Variants in ABLIM1 observed in about 807,000 individuals in gnomAD.
The protein encoded by ABLIM1 is actin-binding LIM protein 1.
Under a neutral mutation model 107.0 loss-of-function variants are expected in ABLIM1, and 40 were observed. The observed-to-expected ratio is 0.37, with a 90% confidence interval of 0.29 to 0.49. The LOEUF is 0.49. Ranked by LOEUF, ABLIM1 falls within the 20% of genes least tolerant of loss-of-function variation. The pLI is 0.97. For synonymous variants in ABLIM1, 357 were observed against 357.3 expected, an observed-to-expected ratio of 1.00 and a Z score of 0.01; for missense variants, 857 against 1,008.5, an observed-to-expected ratio of 0.85 and a Z score of 2.04.
upstream of ABLIM1, among the ~76,000 whole-genome samples, chr10:114,772,289 A>G (rs1299923844): frequency 2.0e-5 from 3 of 152,096 alleles, no homozygotes; most frequent in African/African-American, 4.8e-5. Flanking sequence ...AGCAAACTAA[A>G]ATTCTTTTTA....
At chr10:114,438,754 G>A (rs1199680165) in intron 21 of ABLIM1, among the ~76,000 whole-genome samples, 1 of 152,194 alleles carries the variant, frequency 6.6e-6, no homozygotes, top group Non-Finnish European at 1.5e-5. Flanking sequence ...AACTCTGAAG[G>A]TACAGGGTGC....
At chr10:114,773,540 G>A in the ABLIM1 span, among the ~76,000 whole-genome samples, 9 of 152,142 alleles carry the variant, frequency 5.9e-5, no homozygotes, top group African/African-American at 9.7e-5. Flanking sequence ...CAGCCAACAC[G>A]GTGAAACCCT....
At position 114,441,710 on chromosome 10, in the gene ABLIM1, G is replaced by A; in HGVS notation, c.1998+12C>T. 1.2e-6 allele frequency: 2 copies of A among 1,610,536 alleles called. No homozygotes were observed. Among genetic ancestry groups the A allele is most frequent in the Non-Finnish European group, 1.7e-6 (2 of 1,176,702 alleles). On this transcript the variant is annotated intron_variant, in intron 18 of 22. Transcript: ENST00000533213. ...GTAAAGGCAGAAACAATGAATCGGG[G>A]AGAAATCTTACCCGGTGAAGCCCAT...
intron 12 of ABLIM1, among the ~76,000 whole-genome samples, chr10:114,455,016 G>C (rs1266005563): frequency 6.6e-6 from 1 of 152,068 alleles, no homozygotes; most frequent in Non-Finnish European, 1.5e-5. Flanking sequence ...ATAAATCATA[G>C]ATCATCAGAA....
chr10:114,571,526 G>T, intron 3 of ABLIM1, 120 bp from the exon 4 acceptor site: 1 of 954,290 alleles, frequency 1.0e-6, no homozygotes, highest in African/African-American at 1.6e-5. Context: ...CAGCCAACAT[G>T]TCTGAAATGC....
At chr10:114,473,628 G>T (rs1045002599) in intron 9 of ABLIM1, among the ~76,000 whole-genome samples, 6 of 151,904 alleles carry the variant, frequency 3.9e-5, no homozygotes, top group African/African-American at 1.5e-4. Flanking sequence ...TTAGGTGCAA[G>T]AATTTTTTAA....
chr10:114,659,313 C>G (rs1259194230), upstream of ABLIM1, among the ~76,000 whole-genome samples: 1 of 151,320 alleles, frequency 6.6e-6, no homozygotes, highest in African/African-American at 2.4e-5. Context: ...CGAGACCAGC[C>G]CTGGCAACAT....
intron 1 of ABLIM1, among the ~76,000 whole-genome samples, chr10:114,766,792 T>C (rs2082905024): frequency 6.6e-6 from 1 of 152,214 alleles, no homozygotes; most frequent in South Asian, 2.1e-4. Flanking sequence ...CAGAGATTGT[T>C]ATGACTCCAT....
chr10:114,499,180 G>A (rs1442151158), intron 6 of ABLIM1, among the ~76,000 whole-genome samples: 1 of 152,126 alleles, frequency 6.6e-6, no homozygotes, highest in Non-Finnish European at 1.5e-5. Context: ...CCTCAGTTAT[G>A]GGACAGAAAA....
At chr10:114,737,425 C>T (rs188293949) in intron 1 of ABLIM1, among the ~76,000 whole-genome samples, 5 of 152,300 alleles carry the variant, frequency 3.3e-5, no homozygotes, top group African/African-American at 9.6e-5. Flanking sequence ...GACGACATCA[C>T]CCTCAGTGCT....
At chr10:114,632,147 G>A (rs906431347) in intron 1 of ABLIM1, 42 of 985,200 alleles carry the variant, frequency 4.3e-5, no homozygotes, top group Admixed American at 6.1e-5. Flanking sequence ...CCCGCCCGCC[G>A]AGCTGCAGCC....
At chr10:114,634,457 C>T (rs1020505389) in intron 1 of ABLIM1, among the ~76,000 whole-genome samples, 1 of 152,044 alleles carries the variant, frequency 6.6e-6, no homozygotes, top group African/African-American at 2.4e-5. Flanking sequence ...CTTGGGATGG[C>T]AGTTTAAAAC....
intron 2 of ABLIM1, among the ~76,000 whole-genome samples, chr10:114,578,790 T>TC (rs1375049077): frequency 1.4e-5 from 2 of 145,796 alleles, no homozygotes; most frequent in Admixed American, 6.8e-5. Context: ...CTTTTCTTTT[T>TC]TTTTTTTTTT....
In ABLIM1 at chr10:114,434,089, G is replaced by A. The variant is rs566012024; in HGVS notation, c.*2171C>T. ...GCAAGGATGAGGACACCCAGGCATT[G>A]TGCCAAGGCTGCCATTGCAGGAGGG... On this transcript the variant is annotated 3_prime_UTR_variant, in exon 23 of 23. Coordinates refer to ENST00000533213, the MANE Select transcript of ABLIM1 (RefSeq NM_002313.7). The A allele has an allele frequency of 2.0e-5, 3 of 152,352 alleles. No individual in the cohort carries two copies. Among genetic ancestry groups the A allele is most frequent in the Admixed American group, 6.5e-5 (1 of 15,300 alleles). The allele number at this position is 152,352 out of a possible 1,614,324, so 9.4% of individuals were successfully genotyped here.
At chr10:114,554,253 A>T (rs561573660) in intron 4 of ABLIM1, among the ~76,000 whole-genome samples, 1 of 152,196 alleles carries the variant, frequency 6.6e-6, no homozygotes, top group African/African-American at 2.4e-5. Flanking sequence ...CAGAAAGGAG[A>T]TAAGAAAGAC....
chr10:114,778,434 G>C, the ABLIM1 span: 1 of 151,992 alleles, frequency 6.6e-6, no homozygotes, highest in Non-Finnish European at 1.5e-5. Flanking sequence ...TTTCCATCGC[G>C]ATCTTGCTTT....
rs190440523 is a variant in ABLIM1 at position 114,468,462 on chromosome 10, G to C, written c.1276-246C>G. 1.1e-3 allele frequency among the ~76,000 whole-genome samples: 172 copies of C among 152,122 alleles called. 5 individuals carry two copies. In the East Asian group the frequency reaches 0.031, roughly 28 times the overall value. ...CTACTTTTTTTGTATTTTTAGTAGA[G>C]ATGGGGTTTCACTGCGTTAGTCAGG... On this transcript the variant is annotated intron_variant, in intron 10 of 22. Coordinates refer to ENST00000533213, the MANE Select transcript of ABLIM1 (RefSeq NM_002313.7).
chr10:114,748,490 G>A (rs1218957621), intron 1 of ABLIM1, among the ~76,000 whole-genome samples: 3 of 151,560 alleles, frequency 2.0e-5, no homozygotes, highest in Non-Finnish European at 4.4e-5. Flanking sequence ...TCTTCAGAAG[G>A]CTTATCTGCT....
chr10:114,439,953 A>T, intron 20 of ABLIM1, 129 bp downstream of exon 20: 1 of 1,492,160 alleles, frequency 6.7e-7, no homozygotes, highest in Non-Finnish European at 9.1e-7. Flanking sequence ...CTATAGAGTA[A>T]TGACTAGAGA....
Sources: allele counts gnomAD v4.1 joint callset (sites outside exome capture counted in the v4.1 genomes callset), GRCh38; gene constraint gnomAD v4.1.1; transcripts MANE v1.5; gene names NCBI Gene and HGNC (gene_info 2026-07-23, HGNC 2026-07-21).